Variants in TMPRSS6 observed in about 807,000 individuals in gnomAD.
TMPRSS6 encodes the protein transmembrane serine protease 6, also known as transmembrane protease serine 6.
TMPRSS6 carries 67 observed loss-of-function variants against 101.5 expected under a neutral mutation model. The ratio of observed to expected loss-of-function variants is 0.66; its 90% CI spans 0.54 to 0.81. The LOEUF is 0.81. Among genes scored for constraint, TMPRSS6 ranks in the 30% least tolerant of loss-of-function variants. The probability of loss-of-function intolerance (pLI) is 0.00; values close to 1 mark genes in which losing one functional copy is unlikely to be tolerated. For synonymous variants in TMPRSS6, 453 were observed against 464.9 expected (o/e 0.97, Z 0.33); for missense variants, 1,034 against 1,088.7 (o/e 0.95, Z 0.71).
intron 10 of TMPRSS6, among the ~76,000 whole-genome samples, chr22:37,082,072 G>T (rs553958647): frequency 2.0e-5 from 3 of 152,320 alleles, no homozygotes; most frequent in African/African-American, 7.2e-5. Flanking sequence ...GGAGGGAGGA[G>T]GGCCTTCCCA....
Position 37,107,733 on chromosome 22 carries a change from T to C in TMPRSS6, c.-2+1770A>G, listed in dbSNP as rs1238496232. 4.6e-5 allele frequency among the ~76,000 whole-genome samples: 7 copies of C among 152,168 alleles called. No homozygotes were observed. In the East Asian group the frequency reaches 1.2e-3, roughly 25 times the overall value. ...TGGGAGGTTTGCTCCTTGCTGGGCC[T>C]GGGATGTTTTCCTTTCTGCTGGCCT... On this transcript the variant is annotated intron_variant, in intron 1 of 17. Coordinates refer to ENST00000676104, the MANE Select transcript of TMPRSS6 (RefSeq NM_001374504.1).
intron 10 of TMPRSS6, among the ~76,000 whole-genome samples, chr22:37,079,016 A>AGAAAGAAAGAAAGAAAGAAG (rs1491380564): frequency 1.5e-5 from 2 of 129,730 alleles, no homozygotes; most frequent in Non-Finnish European, 3.5e-5. Flanking sequence ...AAAGAAAGAA[A>AGAAAGAAAGAAAGAAAGAAG]GAGAAAGAGA....
chr22:37,092,091 C>CTTTTTTTTTTTT (rs11319214), intron 6 of TMPRSS6, among the ~76,000 whole-genome samples: 1 of 143,274 alleles, frequency 7.0e-6, no homozygotes, highest in Non-Finnish European at 1.5e-5. Context: ...AATAATTACC[C>CTTTTTTTTTTTT]TTTTTTTTTT....
rs146345308 is a variant in TMPRSS6 at position 37,079,507 on chromosome 22, G to C, written c.1197-4227C>G. Among the ~76,000 whole-genome samples, 5 of 152,286 alleles carry C rather than the reference G, an allele frequency of 3.3e-5. No homozygotes were observed. The East Asian group carries it at 9.6e-4, about 29-fold the overall frequency. ...CGTGGGTGGATGAATGCACACCCCC[G>C]TGCCCTTACCTACAGACAGATTAAA... On this transcript the variant is annotated intron_variant, in intron 10 of 17. Transcript: ENST00000676104.
intron 13 of TMPRSS6, among the ~76,000 whole-genome samples, chr22:37,071,835 C>T (rs753679778): frequency 6.6e-6 from 1 of 152,058 alleles, no homozygotes; most frequent in Non-Finnish European, 1.5e-5. Flanking sequence ...GTTGGATAAA[C>T]GTGTGGATAT....
rs565856992 is a variant in TMPRSS6, at chr22:37,108,911, T to C, written c.-2+592A>G. Among the ~76,000 whole-genome samples the C allele has an allele frequency of 3.3e-5, 5 of 152,138 alleles. No individual in the cohort carries two copies. In the East Asian group the frequency reaches 9.7e-4, roughly 29 times the overall value. On this transcript the variant is annotated intron_variant, in intron 1 of 17. Coordinates refer to ENST00000676104, the MANE Select transcript of TMPRSS6 (RefSeq NM_001374504.1). ...TGGGTGGGGGTCCCTTCCACACATA[T>C]AAACACACTCACAGACCCACAGATG...
At chr22:37,074,776 C>T in intron 11 of TMPRSS6, 68 bp from the exon 12 acceptor site, 24 of 1,514,706 alleles carry the variant, frequency 1.6e-5, no homozygotes, top group Non-Finnish European at 2.2e-5. Flanking sequence ...CGCGAAGGCG[C>T]ACAAAGACAC....
In TMPRSS6 at chr22:37,089,707, C is replaced by G. The variant is rs763489601; in HGVS notation, c.707G>C (p.Cys236Ser). Residue 236 changes from cysteine (C) to serine (S), a missense_variant, in exon 7 of 18, where the codon TGC becomes TCC. Physicochemically the swap from Cys to Ser is moderately radical, Grantham distance 112. Coordinates refer to ENST00000676104, the MANE Select transcript of TMPRSS6 (RefSeq NM_001374504.1). ...LKGPDHLASS[C>S]LWHLQGPKDL... The stretch of plus-strand genomic sequence containing the variant: ...CTTGGGGCCCTGCAGGTGCCACAGG[C>G]AGCTGGAGGCCAGGTGGTCAGGCCC... The G allele has an allele frequency of 2.3e-5, 37 of 1,611,768 alleles. No homozygotes were observed. The African/African-American group carries it at 4.1e-4, about 18-fold the overall frequency.
At position 37,097,740 on chromosome 22, in the gene TMPRSS6, G is replaced by A. The variant is rs1184687959; in HGVS notation, c.336+676C>T. 5.4e-5 allele frequency among the ~76,000 whole-genome samples: 7 copies of A among 129,344 alleles called. 1 individual carries two copies. The highest frequency in any genetic ancestry group is 5.3e-4 in the South Asian group (2 of 3,794). The allele number at this position is 129,344 out of a possible 152,430, so 84.9% of individuals were successfully genotyped here. The stretch of plus-strand genomic sequence containing the variant: ...CAGGAGCGGGCCACCGTCCTGTAAC[G>A]GAGGGGCAGGAGCGGCCACTGTCCT... On this transcript the variant is annotated intron_variant, in intron 3 of 17. Coordinates refer to ENST00000676104, the MANE Select transcript of TMPRSS6 (RefSeq NM_001374504.1).
intron 11 of TMPRSS6, 138 bp downstream of exon 11, chr22:37,074,997 A>G: frequency 7.0e-7 from 1 of 1,432,650 alleles, no homozygotes; most frequent in Non-Finnish European, 9.7e-7. Context: ...TTGTGCAAGC[A>G]CATACACACA....
chr22:37,099,397 G>A (rs995166364), intron 2 of TMPRSS6, among the ~76,000 whole-genome samples: 1 of 152,196 alleles, frequency 6.6e-6, no homozygotes, highest in Non-Finnish European at 1.5e-5. Context: ...GATGAACAAG[G>A]GTAACCATGA....
chr22:37,072,510 G>A (rs1206071344), intron 13 of TMPRSS6, among the ~76,000 whole-genome samples: 7 of 142,240 alleles, frequency 4.9e-5, no homozygotes, highest in Non-Finnish European at 3.0e-5. Flanking sequence ...GATAGACGAT[G>A]GACAGATGGA....
Position 37,098,464 on chromosome 22 carries a change from G to T in TMPRSS6, c.288C>A (p.Arg96=). 6.2e-7 allele frequency: 1 copy of T among 1,614,036 alleles called. No individual in the cohort carries two copies. Among genetic ancestry groups the T allele is most frequent in the East Asian group, 2.2e-5 (1 of 44,876 alleles). Reference sequence around the variant, plus strand: ...CACTGCGGAAGGCACTAGATTCCCGGCGGGTAAGATCCTGGGAGAAGTGGC... The same window carrying T: ...CACTGCGGAAGGCACTAGATTCCCGTCGGGTAAGATCCTGGGAGAAGTGGC... ...LNRHFSQDLT[R]RESSAFRSET... The change falls in exon 3 of 18, where the codon CGC becomes CGA. Residue 96 remains arginine, a synonymous_variant. Transcript: ENST00000676104.
Position 37,103,290 on chromosome 22 carries a change from C to G in TMPRSS6, c.128G>C (p.Arg43Pro). 6.2e-7 allele frequency: 1 copy of G among 1,614,156 alleles called. No individual in the cohort carries two copies. Among genetic ancestry groups the G allele is most frequent in the Non-Finnish European group, 8.5e-7 (1 of 1,179,998 alleles). The part of the protein sequence containing the change: ...DSKRKARGYL[R>P]LVPLFVLLAL... ...CAGCAGCACAAACAGGGGCACCAGG[C>G]GGAGGTAGCCCCGGGCTTTTCTCTT... The change falls in exon 2 of 18, where the codon CGC becomes CCC. Residue 43 changes from arginine to proline, a missense_variant. Coordinates refer to ENST00000676104, the MANE Select transcript of TMPRSS6 (RefSeq NM_001374504.1). This position sits in a 1 kb window ranked among gnomAD's most constrained non-coding sequence, Gnocchi z 4.4.
In TMPRSS6 at chr22:37,070,516, C is replaced by T; in HGVS notation, c.1809G>A (p.Val603=). ...CCTGGAAGCAGTGGGCAGCTGTTAT[C>T]ACCCAGCGGTCAGCGATGAGGGCCC... ...CGGALIADRW[V]ITAAHCFQED... Residue 603 remains valine, a synonymous_variant, in exon 15 of 18, where the codon GTG becomes GTA. Coordinates refer to ENST00000676104, the MANE Select transcript of TMPRSS6 (RefSeq NM_001374504.1). The T allele has an allele frequency of 6.2e-7, 1 of 1,613,502 alleles. No homozygotes were observed. Among genetic ancestry groups the T allele is most frequent in the Non-Finnish European group, 8.5e-7 (1 of 1,180,010 alleles).
chr22:37,085,645 G>A (rs535776894), intron 8 of TMPRSS6, among the ~76,000 whole-genome samples: 15 of 152,196 alleles, frequency 9.9e-5, no homozygotes, highest in South Asian at 4.2e-4. Context: ...TGTCCCATGC[G>A]GGGTGGGACG....
In TMPRSS6 at chr22:37,069,218, A is replaced by G; in HGVS notation, c.1968T>C (p.His656=). 1.2e-6 allele frequency: 2 copies of G among 1,609,048 alleles called. No individual in the cohort carries two copies. Among genetic ancestry groups the G allele is most frequent in the Non-Finnish European group, 1.7e-6 (2 of 1,178,474 alleles). ...LLHPYHEEDS[H]DYDVALLQLD... is the part of the protein sequence containing the mutation. Reference sequence around the variant, plus strand: ...GCTGCAGCAGCGCCACGTCGTAGTCATGGCTGTCCTCTTCGTGGTACGGGT... The same window carrying G: ...GCTGCAGCAGCGCCACGTCGTAGTCGTGGCTGTCCTCTTCGTGGTACGGGT... Residue 656 remains histidine, a synonymous_variant, in exon 16 of 18, where the codon CAT becomes CAC. Transcript: ENST00000676104. This position sits in a 1 kb window ranked among gnomAD's most constrained non-coding sequence, Gnocchi z 4.8.
chr22:37,095,422 C>A, intron 6 of TMPRSS6, 129 bp downstream of exon 6: 1 of 1,168,714 alleles, frequency 8.6e-7, no homozygotes, highest in Non-Finnish European at 1.2e-6. Context: ...CCATGGCATC[C>A]CCTGGGTGAC....
At chr22:37,067,762 G>A (rs1162372013) in intron 16 of TMPRSS6, among the ~76,000 whole-genome samples, 2 of 151,392 alleles carry the variant, frequency 1.3e-5, no homozygotes, top group African/African-American at 4.9e-5. Context: ...TCCCCGTATG[G>A]TTCTAAGGTG....
Sources: gnomAD v4.1 joint callset for allele counts (sites outside exome capture counted in the v4.1 genomes callset) on GRCh38, gnomAD v4.1.1 for gene constraint, Gnocchi (gnomAD v3.1) non-coding constraint, MANE v1.5 for transcripts, NCBI Gene and HGNC (gene_info 2026-07-23, HGNC 2026-07-21) for gene names.